Variants in TENM3 observed in about 807,000 individuals in gnomAD.
TENM3 encodes the protein teneurin transmembrane protein 3.
In TENM3, 63 loss-of-function variants were observed where a neutral mutation model predicts 255.1. The ratio of observed to expected loss-of-function variants is 0.25; its 90% confidence interval spans 0.20 to 0.30. The LOEUF is 0.30. TENM3 is among the 10% of genes least tolerant of loss of function. The pLI, the probability that TENM3 is intolerant of heterozygous loss-of-function variation, is 1.00. For synonymous variants in TENM3, 1,306 were observed against 1,322.3 expected (o/e 0.99, Z 0.27); for missense variants, 2,929 against 3,461.1 (o/e 0.85, Z 3.86).
the TENM3 span, among the ~76,000 whole-genome samples, chr4:181,717,378 T>C: frequency 6.6e-6 from 1 of 152,242 alleles, no homozygotes; most frequent in Non-Finnish European, 1.5e-5. Context: ...TTTAAGTTTT[T>C]CTTTTATTCT....
intron 1 of TENM3, among the ~76,000 whole-genome samples, chr4:182,214,898 A>G (rs1374478630): frequency 1.3e-5 from 2 of 152,212 alleles, no homozygotes; most frequent in Non-Finnish European, 2.9e-5. Flanking sequence ...AGACATTATC[A>G]GTATGTAAGA....
the TENM3 span, among the ~76,000 whole-genome samples, chr4:181,605,478 C>CAGAGAA: frequency 3.3e-4 from 24 of 72,872 alleles, 1 homozygote; most frequent in South Asian, 2.2e-3. Context: ...GAGAGAGAAA[C>CAGAGAA]AGAGAAAGAA....
At chr4:182,262,797 T>C (rs1239648960) in intron 1 of TENM3, among the ~76,000 whole-genome samples, 8 of 144,790 alleles carry the variant, frequency 5.5e-5, no homozygotes, top group Admixed American at 2.1e-4. Context: ...CACTCCAAGC[T>C]CCGCCTCCCG....
chr4:181,803,805 A>G, the TENM3 span, among the ~76,000 whole-genome samples: 1 of 151,818 alleles, frequency 6.6e-6, no homozygotes, highest in Non-Finnish European at 1.5e-5. Context: ...GTGTGGTGGC[A>G]TGAGCCTGTG....
the TENM3 span, among the ~76,000 whole-genome samples, chr4:181,525,842 C>T: frequency 2.6e-5 from 4 of 152,140 alleles, no homozygotes; most frequent in East Asian, 1.9e-4. Flanking sequence ...AAACTTTGCA[C>T]GCGCTACTTC....
At chr4:181,967,178 GC>G in the TENM3 span, among the ~76,000 whole-genome samples, 1 of 152,138 alleles carries the variant, frequency 6.6e-6, no homozygotes, top group African/African-American at 2.4e-5. Context: ...CAAAGACAAT[GC>G]TTTTCCTCAA....
intron 12 of TENM3, among the ~76,000 whole-genome samples, chr4:182,689,031 C>T (rs1222422546): frequency 6.6e-6 from 1 of 152,022 alleles, no homozygotes; most frequent in African/African-American, 2.4e-5. Flanking sequence ...CAAAAGTATC[C>T]AAAACATATA....
the TENM3 span, among the ~76,000 whole-genome samples, chr4:181,671,610 G>A: frequency 2.6e-5 from 4 of 152,150 alleles, no homozygotes; most frequent in Admixed American, 1.3e-4. Context: ...CTTGGTGCTC[G>A]ACGTACATTA....
At chr4:182,714,318 A>C in intron 13 of TENM3, 85 bp downstream of exon 13, 2 of 193,108 alleles carry the variant, frequency 1.0e-5, no homozygotes, top group Non-Finnish European at 1.4e-5. Context: ...CTGTTGCCAA[A>C]AAAAAAAAAA....
chr4:181,536,920 G>T, the TENM3 span, among the ~76,000 whole-genome samples: 1 of 152,136 alleles, frequency 6.6e-6, no homozygotes, highest in South Asian at 2.1e-4. Context: ...GGTGAACTCT[G>T]CTCAGTGATA....
At position 182,729,112 on chromosome 4, in the gene TENM3, A is replaced by G. The variant is rs1488052949; in HGVS notation, c.2516A>G (p.Asp839Gly). Residue 839 changes from aspartate (D) to glycine (G), a missense_variant, in exon 14 of 28, where the codon GAT becomes GGT. Asp to Gly is a moderately conservative substitution (Grantham distance 94, BLOSUM62 -1). Transcript: ENST00000511685. The stretch of plus-strand genomic sequence containing the variant: ...CAGCAAGCTGCCAAATCCTTTTATG[A>G]TCGAATCAGTTTCCTTATAGGATCT... ...PSQQAAKSFYDRISFLIGSDS... is the reference protein window; with the variant it reads ...PSQQAAKSFYGRISFLIGSDS... 6.2e-7 allele frequency: 1 copy of G among 1,613,988 alleles called. No homozygotes were observed. Among genetic ancestry groups the G allele is most frequent in the Admixed American group, 1.7e-5 (1 of 60,004 alleles).
intron 1 of TENM3, among the ~76,000 whole-genome samples, chr4:182,214,339 A>C (rs1482937760): frequency 4.6e-5 from 7 of 152,156 alleles, no homozygotes; most frequent in Non-Finnish European, 8.8e-5. Context: ...GTTGGACCTG[A>C]CTTCTGATCT....
the TENM3 span, among the ~76,000 whole-genome samples, chr4:181,794,855 A>G: frequency 6.6e-6 from 1 of 152,152 alleles, no homozygotes; most frequent in Non-Finnish European, 1.5e-5. Flanking sequence ...AGTAATTTGC[A>G]AGTGGTCTCA....
chr4:181,936,722 C>G, the TENM3 span, among the ~76,000 whole-genome samples: 1 of 151,856 alleles, frequency 6.6e-6, no homozygotes, highest in Non-Finnish European at 1.5e-5. Context: ...AAACGAAGAG[C>G]AGAGGACCTA....
At chr4:182,552,932 A>G (rs960318841) in intron 3 of TENM3, among the ~76,000 whole-genome samples, 80 of 152,316 alleles carry the variant, frequency 5.3e-4, no homozygotes, top group African/African-American at 1.8e-3. Flanking sequence ...TTTTTGTATC[A>G]TCTTTCAGAA....
intron 26 of TENM3, among the ~76,000 whole-genome samples, chr4:182,794,522 G>A (rs1299154596): frequency 6.6e-6 from 1 of 152,152 alleles, no homozygotes; most frequent in Non-Finnish European, 1.5e-5. Context: ...TCTCCCATCA[G>A]TTGCTTAGAC....
At chr4:181,889,158 T>C in the TENM3 span, among the ~76,000 whole-genome samples, 1 of 152,100 alleles carries the variant, frequency 6.6e-6, no homozygotes, top group Admixed American at 6.5e-5. Context: ...TGCCCAGTGT[T>C]AGAGGTGGGG....
the TENM3 span, among the ~76,000 whole-genome samples, chr4:182,119,433 A>G: frequency 4.0e-5 from 6 of 151,874 alleles, no homozygotes; most frequent in African/African-American, 9.7e-5. Context: ...CAATTCATCA[A>G]TTACGGTTCC....
intron 1 of TENM3, among the ~76,000 whole-genome samples, chr4:182,230,049 G>A (rs1756457319): frequency 1.3e-5 from 2 of 150,370 alleles, no homozygotes; most frequent in African/African-American, 4.9e-5. Flanking sequence ...CCTATTTTAA[G>A]TAGCCAGAGA....
Sources: gnomAD v4.1 joint callset for allele counts (sites outside exome capture counted in the v4.1 genomes callset) on GRCh38, gnomAD v4.1.1 for gene constraint, MANE v1.5 for transcripts, NCBI Gene and HGNC (gene_info 2026-07-23, HGNC 2026-07-21) for gene names.